The following SLC3A1 variants were observed in gnomAD, a reference collection of about 807,000 sequenced individuals.
SLC3A1 encodes amino acid transporter heavy chain SLC3A1.
In SLC3A1, 78 loss-of-function variants were observed where a neutral mutation model predicts 60.3. The observed-to-expected ratio is 1.29, with a 90% CI of 1.08 to 1.56. The LOEUF is 1.56. SLC3A1 is among the 40% of genes most tolerant of loss of function. SLC3A1 has a pLI of 0.00. For synonymous variants in SLC3A1, 392 were observed against 307.9 expected (o/e 1.27, Z -2.86); for missense variants, 1,172 against 858.9 (o/e 1.36, Z -4.56).
intron 8 of SLC3A1, 21 bp downstream of exon 8, chr2:44,312,774 C>G: frequency 6.3e-7 from 1 of 1,596,118 alleles, no homozygotes; most frequent in East Asian, 2.2e-5. Flanking sequence ...TACAACTTGA[C>G]TATTCATCAC....
At chr2:44,301,716 G>A (rs1672014438) in intron 6 of SLC3A1, among the ~76,000 whole-genome samples, 1 of 138,640 alleles carries the variant, frequency 7.2e-6, no homozygotes, top group Non-Finnish European at 1.5e-5. Flanking sequence ...TCCAGCCTGG[G>A]CGACAGAGCG....
In SLC3A1 at chr2:44,296,925, G is replaced by T. The variant is rs4953082; in HGVS notation, c.892-3046G>T. Among the ~76,000 whole-genome samples the T allele has an allele frequency of 2.0e-5, 3 of 152,068 alleles. No individual in the cohort carries two copies. In the South Asian group the frequency reaches 6.2e-4, roughly 31 times the overall value. On this transcript the variant is annotated intron_variant, in intron 4 of 9. Transcript: ENST00000260649. The stretch of plus-strand genomic sequence containing the variant: ...CACAAACTCTCTCGCCTGCTGTCAT[G>T]TAAGATGTGACTTTGCTCCTCATTC...
Position 44,320,919 on chromosome 2 carries a change from G to A in SLC3A1, c.*280G>A, listed in dbSNP as rs558787683. 8.1e-5 allele frequency: 36 copies of A among 443,900 alleles called. No homozygotes were observed. In the South Asian group the frequency reaches 8.3e-4, roughly 10 times the overall value. 27.5% of individuals were successfully genotyped at this position (443,900 alleles called of 1,614,324 possible). On this transcript the variant is annotated 3_prime_UTR_variant, in exon 10 of 10. Coordinates refer to ENST00000260649, the MANE Select transcript of SLC3A1 (RefSeq NM_000341.4). ...CCCCAGATTATTCAAAAACTTTAAC[G>A]AATTTTAAGGGGAAGAATTTTATCT...
intron 2 of SLC3A1, 84 bp from the exon 3 acceptor site, chr2:44,281,303 C>G (rs960204224): frequency 8.3e-7 from 1 of 1,205,034 alleles, no homozygotes; most frequent in Non-Finnish European, 1.2e-6. Context: ...GGGTTACAGG[C>G]GTTAGCCATT....
At chr2:44,295,399 A>G (rs943000389) in intron 4 of SLC3A1, among the ~76,000 whole-genome samples, 1 of 152,162 alleles carries the variant, frequency 6.6e-6, no homozygotes, top group African/African-American at 2.4e-5. Flanking sequence ...CTCTGTGCCC[A>G]TTTTTGCATC....
At position 44,321,382 on chromosome 2, in the gene SLC3A1, C is replaced by T. The variant is rs1418895980; in HGVS notation, c.*743C>T. The T allele has an allele frequency of 4.3e-6, 7 of 1,611,292 alleles. No homozygotes were observed. Among genetic ancestry groups the T allele is most frequent in the Non-Finnish European group, 2.5e-6 (3 of 1,177,932 alleles). On this transcript the variant is annotated 3_prime_UTR_variant, in exon 10 of 10. Coordinates refer to ENST00000260649, the MANE Select transcript of SLC3A1 (RefSeq NM_000341.4). ...CAGAATTTCAGGTATTTCTTAAGAT[C>T]CTCGAAAACACTGGTGCTGTCAAGT...
intron 9 of SLC3A1, among the ~76,000 whole-genome samples, chr2:44,316,112 G>A (rs1241002055): frequency 6.6e-6 from 1 of 152,118 alleles, no homozygotes; most frequent in Non-Finnish European, 1.5e-5. Flanking sequence ...ATGAGAGGCA[G>A]GCAACCAAAG....
At chr2:44,294,055 A>T (rs757315764) in intron 4 of SLC3A1, among the ~76,000 whole-genome samples, 4 of 152,178 alleles carry the variant, frequency 2.6e-5, no homozygotes, top group Non-Finnish European at 2.9e-5. Flanking sequence ...TGTAAGATGG[A>T]GCCCCAAGGA....
intron 5 of SLC3A1, among the ~76,000 whole-genome samples, chr2:44,300,393 A>C (rs533576972): frequency 1.3e-5 from 2 of 152,330 alleles, no homozygotes; most frequent in African/African-American, 4.8e-5. Flanking sequence ...TTACTCCTGC[A>C]ATTTTATCAT....
chr2:44,286,009 G>C, intron 3 of SLC3A1, 23 bp from the exon 4 acceptor site: 1 of 1,613,988 alleles, frequency 6.2e-7, no homozygotes, highest in Non-Finnish European at 8.5e-7. Flanking sequence ...GGTCACTGAT[G>C]TGCTGTTTTC....
At chr2:44,321,686 T>TC, downstream of SLC3A1, 1 of 1,561,996 alleles carries the variant, frequency 6.4e-7, no homozygotes, top group Non-Finnish European at 8.7e-7. Context: ...ACAGTGTCCC[T>TC]CCCTCCCCTC....
intron 3 of SLC3A1, among the ~76,000 whole-genome samples, chr2:44,283,087 T>C (rs957825646): frequency 6.6e-6 from 1 of 152,194 alleles, no homozygotes; most frequent in African/African-American, 2.4e-5. Context: ...GGGTTTGTGT[T>C]CTCTCCTGCC....
intron 7 of SLC3A1, among the ~76,000 whole-genome samples, chr2:44,305,377 C>G (rs1672126331): frequency 6.6e-6 from 1 of 151,356 alleles, no homozygotes; most frequent in Non-Finnish European, 1.5e-5. Flanking sequence ...GTGGTTTAAA[C>G]AAAATGCAAG....
At position 44,321,394 on chromosome 2, in the gene SLC3A1, T is replaced by G; in HGVS notation, c.*755T>G. On this transcript the variant is annotated 3_prime_UTR_variant, in exon 10 of 10. Transcript: ENST00000260649. ...TATTTCTTAAGATCCTCGAAAACAC[T>G]GGTGCTGTCAAGTCCAAGTTCCTCG... 1 of 1,612,886 alleles carries G rather than the reference T, an allele frequency of 6.2e-7. No individual in the cohort carries two copies. Among genetic ancestry groups the G allele is most frequent in the African/African-American group, 1.3e-5 (1 of 74,996 alleles).
chr2:44,313,937 A>C lies in SLC3A1; in HGVS notation c.1603A>C (p.Thr535Pro). The C allele has an allele frequency of 6.2e-7, 1 of 1,614,104 alleles. No individual in the cohort carries two copies. Among genetic ancestry groups the C allele is most frequent in the East Asian group, 2.2e-5 (1 of 44,866 alleles). Residue 535 changes from threonine (T) to proline (P), a missense_variant, in exon 9 of 10, where the codon ACT becomes CCT. Physicochemically the swap from Thr to Pro is conservative, Grantham distance 38. Coordinates refer to ENST00000260649, the MANE Select transcript of SLC3A1 (RefSeq NM_000341.4). ...TWLPTNSDYHTVNVDVQKTQP... is the reference protein window; with the variant it reads ...TWLPTNSDYHPVNVDVQKTQP... ...GTTACCTACCAATTCAGATTACCAC[A>C]CTGTGAATGTTGATGTAAGTATCAG...
In SLC3A1 at chr2:44,320,710, C is replaced by A; in HGVS notation, c.*71C>A. ...TAAGCATTTGTAATAGCTTCATGTA[C>A]AGCATGCTGCTTGGTGAACAATCAT... On this transcript the variant is annotated 3_prime_UTR_variant, in exon 10 of 10. Transcript: ENST00000260649. 8.9e-7 allele frequency: 1 copy of A among 1,127,490 alleles called. No homozygotes were observed. The highest frequency in any genetic ancestry group is 1.4e-6 in the Non-Finnish European group (1 of 739,388). The allele number at this position is 1,127,490 out of a possible 1,614,324, so 69.8% of individuals were successfully genotyped here.
chr2:44,293,020 C>T (rs1437246182), intron 4 of SLC3A1, among the ~76,000 whole-genome samples: 1 of 151,808 alleles, frequency 6.6e-6, no homozygotes, highest in African/African-American at 2.4e-5. Flanking sequence ...GGCTTTAGGC[C>T]AGTGATGGAG....
intron 1 of SLC3A1, among the ~76,000 whole-genome samples, chr2:44,278,272 G>A (rs1377565348): frequency 7.3e-5 from 11 of 151,620 alleles, no homozygotes; most frequent in Admixed American, 2.6e-4. Context: ...GTGAAACCCC[G>A]TCTCTACTAA....
rs1294706584 is a variant in SLC3A1 at position 44,275,685 on chromosome 2, C to A, written c.150C>A (p.Gly50=). The A allele has an allele frequency of 3.1e-6, 5 of 1,614,054 alleles. 1 individual carries two copies. In the Admixed American group the frequency reaches 8.3e-5, roughly 27 times the overall value. ...STDNLKHSTR[G]ILGSQEPDFK... ...ACAACCTGAAGCACAGCACCAGGGGCATCCTTGGCTCCCAGGAGCCCGACT... is the reference window on the plus strand; with the variant it reads ...ACAACCTGAAGCACAGCACCAGGGGAATCCTTGGCTCCCAGGAGCCCGACT... The change falls in exon 1 of 10, where the codon GGC becomes GGA. Residue 50 remains glycine (G), a synonymous_variant. Transcript: ENST00000260649.
Sources: allele counts gnomAD v4.1 joint callset (sites outside exome capture counted in the v4.1 genomes callset), GRCh38; gene constraint gnomAD v4.1.1; transcripts MANE v1.5; gene names NCBI Gene and HGNC (gene_info 2026-07-23, HGNC 2026-07-21).